The following MYOCD variants were observed in gnomAD, a reference collection of about 807,000 sequenced individuals.
MYOCD encodes the protein myocardin.
MYOCD carries 32 observed loss-of-function variants against 96.1 expected under a neutral mutation model. The observed-to-expected ratio is 0.33, with a 90% confidence interval of 0.25 to 0.45. The LOEUF (loss-of-function observed/expected upper bound fraction) is 0.45. MYOCD is among the 20% of genes least tolerant of loss of function. The pLI is 1.00. For synonymous variants in MYOCD, 469 were observed against 469.0 expected (o/e 1.00, Z 0.00); for missense variants, 1,133 against 1,200.6 (o/e 0.94, Z 0.83).
At chr17:12,742,628 T>C (rs1597799177) in intron 7 of MYOCD, among the ~76,000 whole-genome samples, 1 of 151,980 alleles carries the variant, frequency 6.6e-6, no homozygotes, top group Non-Finnish European at 1.5e-5. Flanking sequence ...TGGAGTGTAG[T>C]GGCGCAATCT....
intron 3 of MYOCD, among the ~76,000 whole-genome samples, chr17:12,716,422 A>T (rs1437682814): frequency 6.6e-6 from 1 of 152,138 alleles, no homozygotes; most frequent in African/African-American, 2.4e-5. Context: ...GACATCAGAA[A>T]CCTGGGGTCC....
intron 13 of MYOCD, chr17:12,761,805 A>G (rs1356656298): frequency 1.3e-5 from 2 of 152,148 alleles, no homozygotes; most frequent in African/African-American, 4.8e-5. Context: ...TTGTATGTTT[A>G]GTAGAGACGG....
chr17:12,739,136 T>C, intron 6 of MYOCD, 67 bp from the exon 7 acceptor site: 1 of 1,534,586 alleles, frequency 6.5e-7, no homozygotes. Flanking sequence ...ATATACGGAC[T>C]CTAACATTTC....
At chr17:12,723,113 A>T (rs1361951901) in intron 5 of MYOCD, 105 bp downstream of exon 5, 5 of 1,072,512 alleles carry the variant, frequency 4.7e-6, no homozygotes, top group Non-Finnish European at 6.8e-6. Flanking sequence ...CTCTCACCAG[A>T]TAAGAGCCAT....
chr17:12,708,495 G>A (rs980021252), intron 2 of MYOCD, among the ~76,000 whole-genome samples: 1 of 151,774 alleles, frequency 6.6e-6, no homozygotes, highest in African/African-American at 2.4e-5. Context: ...CCAGGTTCAC[G>A]CCATTCTCCT....
intron 5 of MYOCD, among the ~76,000 whole-genome samples, chr17:12,725,536 T>C (rs968291118): frequency 3.4e-5 from 5 of 148,690 alleles, no homozygotes; most frequent in African/African-American, 4.9e-5. Flanking sequence ...ATGTATGAAT[T>C]ATATAAAGCA....
At chr17:12,720,703 T>A (rs1203091677) in intron 4 of MYOCD, among the ~76,000 whole-genome samples, 1 of 152,092 alleles carries the variant, frequency 6.6e-6, no homozygotes, top group East Asian at 1.9e-4. Flanking sequence ...TATAAATAAC[T>A]AAGAAAGACA....
chr17:12,679,438 C>A (rs1366992762), intron 1 of MYOCD, among the ~76,000 whole-genome samples: 1 of 152,098 alleles, frequency 6.6e-6, no homozygotes. Flanking sequence ...TACAGAATGT[C>A]CCAGAGACAG....
intron 1 of MYOCD, among the ~76,000 whole-genome samples, chr17:12,693,671 A>G (rs1054494400): frequency 6.9e-6 from 1 of 144,146 alleles, no homozygotes; most frequent in African/African-American, 2.6e-5. Context: ...AATAAAATAA[A>G]ATAAAATAAA....
At chr17:12,693,026 C>T (rs570229163) in intron 1 of MYOCD, among the ~76,000 whole-genome samples, 18 of 152,198 alleles carry the variant, frequency 1.2e-4, no homozygotes, top group African/African-American at 3.1e-4. Context: ...GTTCCAGCCC[C>T]GAGCTACAAG....
In MYOCD at chr17:12,763,699, A is replaced by G. The variant is rs1174956901; in HGVS notation, c.*55A>G. On this transcript the variant is annotated 3_prime_UTR_variant, in exon 14 of 14. Transcript: ENST00000425538. ...CCAATGGAGTTCCATGGGGGAAAGC[A>G]CACAGCCATACATACTTTACTGTCC... The G allele has an allele frequency of 4.9e-6, 7 of 1,427,362 alleles. No homozygotes were observed. The East Asian group carries it at 1.4e-4, about 28-fold the overall frequency. 88.4% of individuals were successfully genotyped at this position (1,427,362 alleles called of 1,614,324 possible).
At chr17:12,720,761 C>T (rs8081907) in intron 4 of MYOCD, among the ~76,000 whole-genome samples, 2,935 of 152,224 alleles carry the variant, frequency 0.019, 75 homozygotes, top group African/African-American at 0.065. Context: ...GTGGCTCACG[C>T]CTTGTAATCC....
chr17:12,744,442 TC>T lies in MYOCD; in HGVS notation c.971+8del. On this transcript the variant is annotated splice_region_variant and intron_variant, in intron 8 of 13. Transcript: ENST00000425538. ...ATGCACCAAGCTCAGCTTAAGTAAG[TC>T]CGGCAAGGCTGGGAGGGTGGCTGTG... is the stretch of plus-strand genomic sequence containing the variant. 1 of 1,601,296 alleles carries T rather than the reference TC, an allele frequency of 6.2e-7. No individual in the cohort carries two copies. Among genetic ancestry groups the T allele is most frequent in the Non-Finnish European group, 8.5e-7 (1 of 1,173,578 alleles).
intron 2 of MYOCD, chr17:12,705,493 T>A (rs1165877520): frequency 4.1e-6 from 1 of 244,112 alleles, no homozygotes; most frequent in Non-Finnish European, 7.7e-6. Context: ...TAAAATTGGA[T>A]ATAATTAATA....
intron 4 of MYOCD, 121 bp downstream of exon 4, chr17:12,717,542 T>A: frequency 1.3e-6 from 1 of 791,482 alleles, no homozygotes; most frequent in Non-Finnish European, 2.0e-6. Flanking sequence ...CGTTACAAAG[T>A]GGTAGTTTCA....
intron 1 of MYOCD, among the ~76,000 whole-genome samples, chr17:12,688,239 G>A (rs1208767718): frequency 6.6e-6 from 1 of 152,168 alleles, no homozygotes; most frequent in Non-Finnish European, 1.5e-5. Flanking sequence ...CCCCAGTTTT[G>A]TCAGTACAAC....
chr17:12,752,774 A>G lies in MYOCD; in HGVS notation c.1486A>G (p.Ser496Gly), dbSNP rs763564468. ...PSPVHVCTEE[S>G]LMSSLNGGSV... ...CCCAGTCCACGTGTGCACGGAGGAA[A>G]GTCTCATGAGCAGCCTGAATGGGGG... The change falls in exon 10 of 14, where the codon AGT becomes GGT. Residue 496 changes from serine to glycine, a missense_variant. Physicochemically the swap from Ser to Gly is moderately conservative, Grantham distance 56. Transcript: ENST00000425538. 1 of 1,614,070 alleles carries G rather than the reference A, an allele frequency of 6.2e-7. No homozygotes were observed.
chr17:12,712,055 G>A (rs138319214), intron 2 of MYOCD, among the ~76,000 whole-genome samples: 4,552 of 151,776 alleles, frequency 0.03, 232 homozygotes, highest in African/African-American at 0.1. Flanking sequence ...AAGAGACAGG[G>A]TTTCACCATC....
chr17:12,703,471 A>T (rs2031165630), intron 1 of MYOCD, among the ~76,000 whole-genome samples: 1 of 151,734 alleles, frequency 6.6e-6, no homozygotes, highest in South Asian at 2.1e-4. Flanking sequence ...ATGTATTTTG[A>T]GGTTCTGTTC....
Sources: allele counts gnomAD v4.1 joint callset (sites outside exome capture counted in the v4.1 genomes callset), GRCh38; gene constraint gnomAD v4.1.1; transcripts MANE v1.5; gene names NCBI Gene and HGNC (gene_info 2026-07-23, HGNC 2026-07-21).